Variants in PARVB observed in about 807,000 individuals in gnomAD.
PARVB encodes beta-parvin.
In PARVB, 46 loss-of-function variants were observed where a neutral mutation model predicts 47.0. The ratio of observed to expected loss-of-function variants is 0.98; its 90% CI spans 0.77 to 1.25. The LOEUF (loss-of-function observed/expected upper bound fraction) is 1.25, where lower values mean the gene tolerates loss of function less well. Ranked by LOEUF, PARVB falls within the 50% of genes most tolerant of loss-of-function variation. The probability of loss-of-function intolerance (pLI) is 0.00; values close to 1 mark genes in which losing one functional copy is unlikely to be tolerated. For synonymous variants in PARVB, 196 were observed against 196.3 expected (o/e 1.00, Z 0.01); for missense variants, 473 against 471.6 (o/e 1.00, Z -0.03).
intron 1 of PARVB, among the ~76,000 whole-genome samples, chr22:44,078,326 C>T (rs2051822899): frequency 6.6e-6 from 1 of 152,166 alleles, no homozygotes; most frequent in Non-Finnish European, 1.5e-5. Context: ...AGTGGTTAGA[C>T]CCGGACCTGC....
At chr22:44,134,378 T>C (rs2053396751) in intron 6 of PARVB, among the ~76,000 whole-genome samples, 1 of 152,152 alleles carries the variant, frequency 6.6e-6, no homozygotes, top group South Asian at 2.1e-4. Flanking sequence ...CTAGGACACA[T>C]TGGGATGTGG....
At chr22:44,151,691 A>G in intron 10 of PARVB, 140 bp downstream of exon 10, 1 of 668,972 alleles carries the variant, frequency 1.5e-6, no homozygotes, top group Non-Finnish European at 2.7e-6. Flanking sequence ...GGCAGAAATA[A>G]CCACCGTGGC....
At position 44,038,167 on chromosome 22, in the gene PARVB, C is replaced by T. The variant is rs182313408; in HGVS notation, c.112+13716C>T. 1.6e-3 allele frequency among the ~76,000 whole-genome samples: 243 copies of T among 152,366 alleles called. No homozygotes were observed. The Middle Eastern group carries it at 0.027, about 17-fold the overall frequency. ...ATTGGCACCATCATGTCCCTGCATTCCTGTTTCAGGTTGTTGGCACAGTTC... is the reference window on the plus strand; with the variant it reads ...ATTGGCACCATCATGTCCCTGCATTTCTGTTTCAGGTTGTTGGCACAGTTC... On this transcript the variant is annotated intron_variant, in intron 1 of 12. Transcript: ENST00000338758.
At chr22:44,090,324 C>T (rs529232544) in intron 1 of PARVB, among the ~76,000 whole-genome samples, 1 of 152,360 alleles carries the variant, frequency 6.6e-6, no homozygotes, top group South Asian at 2.1e-4. Context: ...GTCCCCGAAG[C>T]CTTTGCTTCC....
intron 2 of PARVB, chr22:44,010,660 A>G (rs1452730634): frequency 1.3e-5 from 2 of 152,152 alleles, no homozygotes; most frequent in Admixed American, 6.5e-5. Flanking sequence ...CATCACCACT[A>G]TTAGGACTTT....
In PARVB at chr22:44,066,831, CCAT is replaced by C. The variant is rs2051545898; in HGVS notation, c.113-27095_113-27093del. Among the ~76,000 whole-genome samples the C allele has an allele frequency of 2.1e-4, 29 of 137,032 alleles. No homozygotes were observed. In the East Asian group the frequency reaches 2.1e-3, roughly 10 times the overall value. The allele number at this position is 137,032 out of a possible 152,430, so 89.9% of individuals were successfully genotyped here. A position where few individuals can be genotyped will look rare whatever the true frequency, so the allele number is the denominator to read the frequency against. Reference sequence around the variant, plus strand: ...TCCTCCTCCTCCTCCTCTTCCTCCTCCATCTCCTCCTCTCTTCTTCTTCCTTTT... The same window carrying C: ...TCCTCCTCCTCCTCCTCTTCCTCCTCCTCCTCCTCTCTTCTTCTTCCTTTT... On this transcript the variant is annotated intron_variant, in intron 1 of 12. Coordinates refer to ENST00000338758, the MANE Select transcript of PARVB (RefSeq NM_013327.5).
At chr22:44,094,381 C>T (rs1433253165) in intron 2 of PARVB, among the ~76,000 whole-genome samples, 1 of 152,154 alleles carries the variant, frequency 6.6e-6, no homozygotes, top group Non-Finnish European at 1.5e-5. Context: ...CACGCCACAC[C>T]ATGCCAAGCC....
intron 1 of PARVB, among the ~76,000 whole-genome samples, chr22:44,092,046 G>C (rs1241948397): frequency 3.3e-5 from 5 of 152,070 alleles, no homozygotes; most frequent in African/African-American, 1.2e-4. Flanking sequence ...GTTACATTTA[G>C]CCCTTCCAAA....
At chr22:44,109,524 G>C (rs1309158031) in intron 3 of PARVB, 1 of 152,168 alleles carries the variant, frequency 6.6e-6, no homozygotes, top group Non-Finnish European at 1.5e-5. Flanking sequence ...AGCAGATTAA[G>C]ATGGATGGCC....
chr22:44,017,397 C>A (rs141275501), intron 2 of PARVB, among the ~76,000 whole-genome samples: 1 of 152,132 alleles, frequency 6.6e-6, no homozygotes, highest in African/African-American at 2.4e-5. Flanking sequence ...GCGAGTACCA[C>A]GCTTGCATTT....
At chr22:44,115,890 T>C (rs1295653984) in intron 3 of PARVB, 3 of 110,756 alleles carry the variant, frequency 2.7e-5, no homozygotes, top group Non-Finnish European at 5.6e-5. Context: ...GGACACATCA[T>C]TACTAACTAA....
chr22:44,036,844 C>T (rs1006016788), intron 1 of PARVB, among the ~76,000 whole-genome samples: 2 of 151,768 alleles, frequency 1.3e-5, no homozygotes, highest in African/African-American at 4.8e-5. Context: ...TGGTGGTGCA[C>T]GTCTGTGGTC....
At chr22:44,066,789 C>CCTCCTCCTT (rs1569087894) in intron 1 of PARVB, among the ~76,000 whole-genome samples, 2 of 140,466 alleles carry the variant, frequency 1.4e-5, no homozygotes, top group African/African-American at 5.4e-5. Context: ...TTCTCCTCCT[C>CCTCCTCCTT]CTCCTCCTCC....
Position 44,049,600 on chromosome 22 carries a change from C to G in PARVB, c.112+25149C>G, listed in dbSNP as rs1820726260. On this transcript the variant is annotated intron_variant, in intron 1 of 12. Transcript: ENST00000338758. This position sits in a 1 kb window ranked among gnomAD's most constrained non-coding sequence, Gnocchi z 4.0. ...AAGGCCTGCTGAGGAAGCGGCCCCACTCCCAGCACAGCCCCATTGATTGGC... is the reference window on the plus strand; with the variant it reads ...AAGGCCTGCTGAGGAAGCGGCCCCAGTCCCAGCACAGCCCCATTGATTGGC... Among the ~76,000 whole-genome samples the G allele has an allele frequency of 2.0e-5, 3 of 152,394 alleles. No homozygotes were observed. In the South Asian group the frequency reaches 6.2e-4, roughly 32 times the overall value.
chr22:44,024,119 C>A (rs2050687560), upstream of PARVB, among the ~76,000 whole-genome samples: 1 of 152,094 alleles, frequency 6.6e-6, no homozygotes, highest in Non-Finnish European at 1.5e-5. Context: ...GGGGTGGCCC[C>A]ACGCCCCTTC....
At position 44,168,820 on chromosome 22, in the gene PARVB, C is replaced by G; in HGVS notation, c.*142C>G. Reference sequence around the variant, plus strand: ...TGTCATCCCCACCCCACCCCTACCTCACGCCTGCCCCACCCCCTGCCTCTT... The same window carrying G: ...TGTCATCCCCACCCCACCCCTACCTGACGCCTGCCCCACCCCCTGCCTCTT... On this transcript the variant is annotated 3_prime_UTR_variant, in exon 13 of 13. Coordinates refer to ENST00000338758, the MANE Select transcript of PARVB (RefSeq NM_013327.5). The G allele has an allele frequency of 1.6e-6, 1 of 608,264 alleles. No individual in the cohort carries two copies. The allele number at this position is 608,264 out of a possible 1,614,324, so 37.7% of individuals were successfully genotyped here.
chr22:44,121,174 A>T (rs952598481), intron 4 of PARVB, among the ~76,000 whole-genome samples: 8 of 151,684 alleles, frequency 5.3e-5, no homozygotes, highest in Non-Finnish European at 8.8e-5. Context: ...TTTAAATTTC[A>T]TTTTTTTGTG....
At chr22:44,151,368 G>A (rs2053804051) in intron 9 of PARVB, 115 bp from the exon 10 acceptor site, 11 of 756,982 alleles carry the variant, frequency 1.5e-5, no homozygotes, top group Middle Eastern at 5.8e-4. Context: ...TTAGCAAACA[G>A]GAGATGATGA....
chr22:44,116,472 C>T (rs1045748268), intron 3 of PARVB, among the ~76,000 whole-genome samples: 4 of 152,192 alleles, frequency 2.6e-5, no homozygotes, highest in African/African-American at 9.7e-5. Context: ...AATGTAAGGC[C>T]CTCAAGGCAG....
Sources: gnomAD v4.1 joint callset for allele counts (sites outside exome capture counted in the v4.1 genomes callset) on GRCh38, gnomAD v4.1.1 for gene constraint, Gnocchi (gnomAD v3.1) non-coding constraint, MANE v1.5 for transcripts, NCBI Gene and HGNC (gene_info 2026-07-23, HGNC 2026-07-21) for gene names.